The following WDR88 variants were observed in gnomAD, a reference collection of about 807,000 sequenced individuals.
The protein encoded by WDR88 is WD repeat-containing protein 88.
A neutral mutation model predicts 46.8 loss-of-function variants in WDR88; 40 were observed. That is an observed-to-expected ratio of 0.86 (90% CI 0.66 to 1.11). The LOEUF (loss-of-function observed/expected upper bound fraction) is 1.11, where lower values mean the gene tolerates loss of function less well. Ranked by LOEUF, WDR88 falls within the 50% of genes most tolerant of loss-of-function variation. The probability of loss-of-function intolerance (pLI) is 0.00; values close to 1 mark genes in which losing one functional copy is unlikely to be tolerated. For missense variants in WDR88, 562 were observed against 602.4 expected (o/e 0.93, Z 0.70); for synonymous variants, 235 against 240.7 (o/e 0.98, Z 0.22).
Position 33,160,536 on chromosome 19 carries a change from C to T in WDR88, c.1080+40C>T, listed in dbSNP as rs184779805. On this transcript the variant is annotated intron_variant, in intron 8 of 10. Coordinates refer to ENST00000355868, the MANE Select transcript of WDR88 (RefSeq NM_173479.4). ...CATGAGATTGAGGATCTGAACTTCC[C>T]TCCCGAGTCCTTCCTGTGCTCAATG... 1.1e-5 allele frequency: 18 copies of T among 1,603,242 alleles called. No individual in the cohort carries two copies. In the East Asian group the frequency reaches 3.6e-4, roughly 32 times the overall value.
At chr19:33,133,061 G>C (rs915710336) in intron 1 of WDR88, among the ~76,000 whole-genome samples, 1 of 151,828 alleles carries the variant, frequency 6.6e-6, no homozygotes, top group African/African-American at 2.4e-5. Context: ...AAAGGCTGAG[G>C]CAAGAGGATC....
chr19:33,143,487 C>CA (rs1488675661), intron 2 of WDR88, among the ~76,000 whole-genome samples: 1 of 149,688 alleles, frequency 6.7e-6, no homozygotes, highest in African/African-American at 2.5e-5. Flanking sequence ...CTACCAAAAA[C>CA]AAAAAAATTA....
At chr19:33,141,118 G>A (rs374790723) in intron 2 of WDR88, among the ~76,000 whole-genome samples, 1 of 150,696 alleles carries the variant, frequency 6.6e-6, no homozygotes, top group Non-Finnish European at 1.5e-5. Context: ...TTTGTTTTTC[G>A]TAGAGACAGG....
At position 33,160,331 on chromosome 19, in the gene WDR88, C is replaced by T. The variant is rs576833223; in HGVS notation, c.998-83C>T. ...GTCAGAGTGAGATGAGGTGGTGCCT[C>T]GCCAAGGCATCTTCAGCTGGCTTTG... On this transcript the variant is annotated intron_variant, in intron 7 of 10. Transcript: ENST00000355868. 5.4e-4 allele frequency: 756 copies of T among 1,410,380 alleles called. 1 individual carries two copies. The highest frequency in any genetic ancestry group is 7.3e-4 in the Non-Finnish European group (724 of 995,912). The allele number at this position is 1,410,380 out of a possible 1,614,324, so 87.4% of individuals were successfully genotyped here. A position where few individuals can be genotyped will look rare whatever the true frequency, so the allele number is the denominator to read the frequency against.
At chr19:33,132,476 T>G (rs776826470) in intron 1 of WDR88, 31 bp downstream of exon 1, 4 of 1,606,210 alleles carry the variant, frequency 2.5e-6, no homozygotes, top group Non-Finnish European at 3.4e-6. Flanking sequence ...GAGGGGGCAC[T>G]GGCCTGTTCC....
At chr19:33,164,297 C>T (rs752327421) in intron 9 of WDR88, 32 bp downstream of exon 9, 21 of 1,598,114 alleles carry the variant, frequency 1.3e-5, no homozygotes, top group African/African-American at 2.7e-5. Context: ...ATATCGATCA[C>T]GTTCGCCAGG....
At position 33,156,542 on chromosome 19, in the gene WDR88, A is replaced by G; in HGVS notation, c.997A>G (p.Ser333Gly). 1 of 1,611,956 alleles carries G rather than the reference A, an allele frequency of 6.2e-7. No homozygotes were observed. Among genetic ancestry groups the G allele is most frequent in the Non-Finnish European group, 8.5e-7 (1 of 1,178,798 alleles). Residue 333 changes from serine (S) to glycine (G), a missense_variant and splice_region_variant, in exon 7 of 11, where the codon AGC (serine) becomes GGC (glycine). Coordinates refer to ENST00000355868, the MANE Select transcript of WDR88 (RefSeq NM_173479.4). ...CAGTTCCTGTCACTTTGCCAGAGAC[A>G]GTGAGTAATTAACATGCAGAAGGCC... ...SVSSCHFARD[S>G]SFLISGGFDR...
chr19:33,156,635 C>T (rs1008319428), intron 7 of WDR88, 93 bp downstream of exon 7: 60 of 1,381,458 alleles, frequency 4.3e-5, no homozygotes, highest in Non-Finnish European at 5.7e-5. Flanking sequence ...AGGCAATTTC[C>T]AATGATGCTG....
chr19:33,136,898 T>A (rs1298877493), intron 1 of WDR88, among the ~76,000 whole-genome samples: 1 of 151,840 alleles, frequency 6.6e-6, no homozygotes, highest in Non-Finnish European at 1.5e-5. Context: ...TCTTTGGAGA[T>A]ATATCTATTC....
intron 10 of WDR88, 47 bp from the exon 11 acceptor site, chr19:33,175,349 C>G: frequency 6.3e-7 from 1 of 1,595,754 alleles, no homozygotes; most frequent in South Asian, 1.1e-5. Context: ...CCTGGATCAC[C>G]TCTGACCAGC....
At chr19:33,162,582 T>C (rs1473244271) in intron 8 of WDR88, among the ~76,000 whole-genome samples, 1 of 151,674 alleles carries the variant, frequency 6.6e-6, no homozygotes, top group African/African-American at 2.4e-5. Context: ...GTGGATCGAG[T>C]TTGCAGTTAT....
chr19:33,161,416 C>T (rs553792537), intron 8 of WDR88, among the ~76,000 whole-genome samples: 3 of 152,252 alleles, frequency 2.0e-5, no homozygotes, highest in South Asian at 2.1e-4. Flanking sequence ...AGGGGCCCCA[C>T]ACCCCAGGAT....
intron 10 of WDR88, 50 bp downstream of exon 10, chr19:33,172,490 C>G (rs1308327324): frequency 7.0e-7 from 1 of 1,435,178 alleles, no homozygotes; most frequent in Non-Finnish European, 9.7e-7. Flanking sequence ...TTAGTTCCCT[C>G]TATAAATTAA....
At chr19:33,148,702 G>A in intron 4 of WDR88, 70 bp from the exon 5 acceptor site, 13 of 1,595,700 alleles carry the variant, frequency 8.1e-6, no homozygotes, top group Non-Finnish European at 1.1e-5. Flanking sequence ...GCCTCCCAAA[G>A]CACTGGGTTT....
Position 33,160,999 on chromosome 19 carries a change from C to A in WDR88, c.1080+503C>A, listed in dbSNP as rs1054444292. On this transcript the variant is annotated intron_variant, in intron 8 of 10. Transcript: ENST00000355868. ...CCAGCCTGGCCAACATGGTGAAACC[C>A]CCGTCTCTACTAAAAATACAAAAAT... is the stretch of plus-strand genomic sequence containing the variant. Among the ~76,000 whole-genome samples the A allele has an allele frequency of 9.5e-4, 144 of 151,808 alleles. No individual in the cohort carries two copies. The East Asian group carries it at 0.025, about 26-fold the overall frequency.
intron 1 of WDR88, 109 bp from the exon 2 acceptor site, chr19:33,137,568 A>G (rs951013387): frequency 3.9e-6 from 4 of 1,032,534 alleles, no homozygotes; most frequent in Admixed American, 5.0e-5. Flanking sequence ...TTTTAAATTC[A>G]TTTTTTTCCG....
At chr19:33,163,372 T>C (rs1348477677) in intron 8 of WDR88, among the ~76,000 whole-genome samples, 1 of 151,538 alleles carries the variant, frequency 6.6e-6, no homozygotes, top group Admixed American at 6.6e-5. Context: ...GATGGGCACC[T>C]GTAATCCCAG....
chr19:33,158,562 AG>A (rs1884172650), intron 7 of WDR88, among the ~76,000 whole-genome samples: 2 of 152,242 alleles, frequency 1.3e-5, no homozygotes, highest in South Asian at 4.1e-4. Context: ...GGCACTTTCA[AG>A]GTCACTCACA....
intron 6 of WDR88, among the ~76,000 whole-genome samples, chr19:33,155,721 C>G (rs1298166758): frequency 6.6e-6 from 1 of 152,208 alleles, no homozygotes. Context: ...GCTTTTCCCT[C>G]CAGCGCCAAG....
Sources: allele counts gnomAD v4.1 joint callset (sites outside exome capture counted in the v4.1 genomes callset), GRCh38; gene constraint gnomAD v4.1.1; transcripts MANE v1.5; gene names NCBI Gene and HGNC (gene_info 2026-07-23, HGNC 2026-07-21).